The following WWOX variants were observed in gnomAD, a reference collection of about 807,000 sequenced individuals.
WWOX encodes WW domain-containing oxidoreductase.
Under a neutral mutation model 46.2 loss-of-function variants are expected in WWOX, and 69 were observed. The ratio of observed to expected loss-of-function variants is 1.49; its 90% CI spans 1.23 to 1.82. WWOX has a LOEUF of 1.82. WWOX is among the 40% of genes most tolerant of loss of function. The pLI is 0.00. For missense variants in WWOX, 919 were observed against 542.6 expected (o/e 1.69, Z -6.89); for synonymous variants, 359 against 202.6 (o/e 1.77, Z -6.56).
chr16:78,681,967 C>G (rs2047740436), intron 8 of WWOX, among the ~76,000 whole-genome samples: 1 of 152,140 alleles, frequency 6.6e-6, no homozygotes, highest in Admixed American at 6.5e-5. Flanking sequence ...CCAGATGTCA[C>G]TGATGCTTAC....
rs538505602 is a variant in WWOX at position 79,193,594 on chromosome 16, A to G, written c.1057-18014A>G. ...TCCATCTGCGTGGTCTCTGTGGATA[A>G]AGTAAGCGTTTCATTCAACTTTTAA... On this transcript the variant is annotated intron_variant, in intron 8 of 8. Transcript: ENST00000566780. Among the ~76,000 whole-genome samples the G allele has an allele frequency of 5.9e-5, 9 of 152,262 alleles. No homozygotes were observed. In the South Asian group the frequency reaches 6.2e-4, roughly 11 times the overall value.
intron 8 of WWOX, among the ~76,000 whole-genome samples, chr16:78,929,199 G>A (rs1013928306): frequency 2.0e-5 from 3 of 151,778 alleles, no homozygotes; most frequent in Non-Finnish European, 2.9e-5. Flanking sequence ...GTAAATATTC[G>A]AATTATTTTC....
intron 5 of WWOX, among the ~76,000 whole-genome samples, chr16:78,342,839 G>C (rs1597066526): frequency 8.3e-6 from 1 of 120,550 alleles, no homozygotes; most frequent in East Asian, 1.9e-4. Flanking sequence ...AGTAGCAGGA[G>C]AGCCACATAT....
At chr16:79,151,846 G>A (rs892222073) in intron 8 of WWOX, among the ~76,000 whole-genome samples, 1 of 152,210 alleles carries the variant, frequency 6.6e-6, no homozygotes, top group Admixed American at 6.5e-5. Flanking sequence ...TGACGCTAAT[G>A]TGATGATAAT....
At chr16:78,397,994 T>G (rs12600327) in intron 6 of WWOX, among the ~76,000 whole-genome samples, 2,473 of 152,372 alleles carry the variant, frequency 0.016, 48 homozygotes, top group East Asian at 0.071. Flanking sequence ...GCGGCAGCTG[T>G]TGACTGTCAT....
At chr16:79,064,084 A>T (rs970990659) in intron 8 of WWOX, among the ~76,000 whole-genome samples, 3 of 152,242 alleles carry the variant, frequency 2.0e-5, no homozygotes, top group Non-Finnish European at 4.4e-5. Context: ...CACTACAGCA[A>T]CATGTCTAGT....
chr16:78,175,697 C>T (rs563542782), intron 5 of WWOX, among the ~76,000 whole-genome samples: 1 of 152,214 alleles, frequency 6.6e-6, no homozygotes, highest in African/African-American at 2.4e-5. Flanking sequence ...GATCCTGAGT[C>T]AGAACCACCC....
intron 8 of WWOX, among the ~76,000 whole-genome samples, chr16:78,819,401 T>C (rs1259832158): frequency 6.6e-6 from 1 of 152,218 alleles, no homozygotes; most frequent in Non-Finnish European, 1.5e-5. Flanking sequence ...GTTTACAATT[T>C]CCATGGCAAC....
At chr16:78,846,287 A>T (rs1249656019) in intron 8 of WWOX, among the ~76,000 whole-genome samples, 1 of 152,212 alleles carries the variant, frequency 6.6e-6, no homozygotes, top group Non-Finnish European at 1.5e-5. Context: ...GATGCTATTA[A>T]CTACACTCAG....
chr16:78,117,792 C>T (rs1247826490), intron 4 of WWOX, among the ~76,000 whole-genome samples: 1 of 152,188 alleles, frequency 6.6e-6, no homozygotes, highest in Non-Finnish European at 1.5e-5. Flanking sequence ...CATATTCTAT[C>T]TAAGCTTTAA....
intron 5 of WWOX, among the ~76,000 whole-genome samples, chr16:78,342,808 C>T (rs2081039126): frequency 8.3e-6 from 1 of 120,420 alleles, no homozygotes; most frequent in Non-Finnish European, 2.0e-5. Flanking sequence ...TATCATTCTG[C>T]CATCAACACC....
rs535764666 is a variant in WWOX at position 78,729,694 on chromosome 16, G to T, written c.1056+296942G>T. Among the ~76,000 whole-genome samples the T allele has an allele frequency of 1.4e-4, 21 of 152,286 alleles. 1 individual carries two copies. The South Asian group carries it at 4.4e-3, about 32-fold the overall frequency. On this transcript the variant is annotated intron_variant, in intron 8 of 8. Transcript: ENST00000566780. ...AACTGCAAAAGAACAAGTTTCTGTT[G>T]TGTGTAGGCACCCAGTTTGTGGTAA...
chr16:79,192,956 G>A (rs375992), intron 8 of WWOX, among the ~76,000 whole-genome samples: 108,049 of 152,120 alleles, frequency 0.71, 39,314 homozygotes, highest in Non-Finnish European at 0.8. Context: ...GAAGGGCCTC[G>A]TTTTACTCCT....
intron 5 of WWOX, among the ~76,000 whole-genome samples, chr16:78,229,964 C>T (rs187741851): frequency 7.1e-4 from 108 of 152,196 alleles, no homozygotes; most frequent in Non-Finnish European, 1.5e-4. Context: ...ACTGCAGCCT[C>T]GACCTCTGGG....
chr16:79,102,966 C>G (rs1308020750), intron 8 of WWOX, among the ~76,000 whole-genome samples: 1 of 152,114 alleles, frequency 6.6e-6, no homozygotes, highest in East Asian at 1.9e-4. Flanking sequence ...TTTTCTTCCT[C>G]ATCCTCCTTT....
At chr16:78,811,581 G>C (rs913209180) in intron 8 of WWOX, among the ~76,000 whole-genome samples, 1 of 151,710 alleles carries the variant, frequency 6.6e-6, no homozygotes, top group Non-Finnish European at 1.5e-5. Flanking sequence ...ATGTTGGCCA[G>C]GCTGGTCTCA....
At chr16:78,294,315 A>G (rs922684076) in intron 5 of WWOX, among the ~76,000 whole-genome samples, 1 of 152,170 alleles carries the variant, frequency 6.6e-6, no homozygotes, top group South Asian at 2.1e-4. Flanking sequence ...GCACTGGTGC[A>G]TATTTCTTGA....
intron 4 of WWOX, among the ~76,000 whole-genome samples, chr16:78,120,967 AG>A (rs2033064895): frequency 6.6e-6 from 1 of 151,802 alleles, no homozygotes; most frequent in Non-Finnish European, 1.5e-5. Context: ...TTGAGCCTAA[AG>A]CATGTCATTG....
intron 8 of WWOX, among the ~76,000 whole-genome samples, chr16:78,916,161 C>T (rs1280456031): frequency 2.0e-5 from 3 of 152,112 alleles, no homozygotes; most frequent in Non-Finnish European, 2.9e-5. Context: ...TGCTCTCAGC[C>T]GAATCCTAAA....
Sources: gnomAD v4.1 joint callset for allele counts (sites outside exome capture counted in the v4.1 genomes callset) on GRCh38, gnomAD v4.1.1 for gene constraint, MANE v1.5 for transcripts, NCBI Gene and HGNC (gene_info 2026-07-23, HGNC 2026-07-21) for gene names.